RPS6KA2: variants seen among roughly 807,000 people sequenced by gnomAD.
RPS6KA2 encodes ribosomal protein S6 kinase A2, also known as ribosomal protein S6 kinase alpha-2.
In RPS6KA2, 42 loss-of-function variants were observed where a neutral mutation model predicts 91.8. The ratio of observed to expected loss-of-function variants is 0.46; its 90% CI spans 0.36 to 0.59. The LOEUF (loss-of-function observed/expected upper bound fraction) is 0.59. RPS6KA2 is among the 20% of genes least tolerant of loss of function. The pLI is 0.00. For missense variants in RPS6KA2, 798 were observed against 978.5 expected, an observed-to-expected ratio of 0.82 and a Z score of 2.46; for synonymous variants, 414 against 393.6, an observed-to-expected ratio of 1.05 and a Z score of -0.61.
At position 166,648,164 on chromosome 6, in the gene RPS6KA2, G is replaced by A. The variant is rs797017955; in HGVS notation, c.124-109380C>T. On this transcript the variant is annotated intron_variant, in intron 2 of 21. Coordinates refer to the RPS6KA2 transcript ENST00000503859. This position sits in a 1 kb window ranked among gnomAD's most constrained non-coding sequence, Gnocchi z 4.8. ...CACACGCACATGGTTACACACCCAT[G>A]CACACATGCTCACACACATGCACAC... Among the ~76,000 whole-genome samples the A allele has an allele frequency of 8.3e-4, 99 of 119,910 alleles. No individual in the cohort carries two copies. Among genetic ancestry groups the A allele is most frequent in the African/African-American group, 2.9e-3 (96 of 32,926 alleles). The allele number at this position is 119,910 out of a possible 152,430, so 78.7% of individuals were successfully genotyped here. A position where few individuals can be genotyped will look rare whatever the true frequency, so the allele number is the denominator to read the frequency against.
chr6:166,843,872 T>G (rs932257805), intron 2 of RPS6KA2, among the ~76,000 whole-genome samples: 1 of 151,646 alleles, frequency 6.6e-6, no homozygotes, highest in East Asian at 1.9e-4. Context: ...CTTTAACACC[T>G]CCAAAAGATC....
intron 15 of RPS6KA2, among the ~76,000 whole-genome samples, chr6:166,431,484 A>T (rs1482507692): frequency 6.6e-6 from 1 of 152,248 alleles, no homozygotes; most frequent in Non-Finnish European, 1.5e-5. Flanking sequence ...CAGAGAGGCT[A>T]GGCAGAGTCC....
chr6:166,749,867 C>T (rs1266107952), intron 2 of RPS6KA2, among the ~76,000 whole-genome samples: 4 of 150,504 alleles, frequency 2.7e-5, no homozygotes, highest in Admixed American at 2.0e-4. Context: ...CCTCCTCCTC[C>T]CAAAGCTTCC....
intron 16 of RPS6KA2, among the ~76,000 whole-genome samples, chr6:166,425,927 G>C (rs1778900381): frequency 6.6e-6 from 1 of 152,040 alleles, no homozygotes; most frequent in Admixed American, 6.6e-5. Flanking sequence ...CCCAGGAATT[G>C]AACTCAGCTC....
rs536935910 is a variant in RPS6KA2, at chr6:166,589,406, T to G, written c.99+37515A>C. On this transcript the variant is annotated intron_variant, in intron 1 of 20. Coordinates refer to ENST00000265678, the MANE Select transcript of RPS6KA2 (RefSeq NM_021135.6). The stretch of plus-strand genomic sequence containing the variant: ...TGTTCTAAATTATTGCCATTACATA[T>G]CCACACTGGAATTGAAAAATAACCC... Among the ~76,000 whole-genome samples, 5 of 152,296 alleles carry G rather than the reference T, an allele frequency of 3.3e-5. No homozygotes were observed. The South Asian group carries it at 1.0e-3, about 32-fold the overall frequency.
At chr6:166,511,309 A>G (rs955674850) in intron 3 of RPS6KA2, among the ~76,000 whole-genome samples, 27 of 152,194 alleles carry the variant, frequency 1.8e-4, no homozygotes, top group Admixed American at 1.3e-4. Flanking sequence ...TGAATCATTC[A>G]GGGCTAAAGA....
chr6:166,673,172 A>C (rs1788522175), intron 2 of RPS6KA2, among the ~76,000 whole-genome samples: 1 of 152,124 alleles, frequency 6.6e-6, no homozygotes, highest in South Asian at 2.1e-4. Context: ...CTGTGGATGA[A>C]GGGCACCTTC....
At chr6:166,623,157 A>G (rs1259013448) in intron 1 of RPS6KA2, among the ~76,000 whole-genome samples, 1 of 152,266 alleles carries the variant, frequency 6.6e-6, no homozygotes, top group Non-Finnish European at 1.5e-5. Context: ...CACCAAAGAG[A>G]ACCCTCTGGC....
At chr6:166,670,665 G>T (rs931672005) in intron 2 of RPS6KA2, among the ~76,000 whole-genome samples, 21 of 152,104 alleles carry the variant, frequency 1.4e-4, no homozygotes, top group African/African-American at 4.8e-4. Flanking sequence ...TAACATTCAA[G>T]AATATGACCC....
chr6:166,553,448 C>T (rs1036988022), intron 1 of RPS6KA2, among the ~76,000 whole-genome samples: 3 of 140,342 alleles, frequency 2.1e-5, no homozygotes, highest in Non-Finnish European at 4.7e-5. Flanking sequence ...TTTAGTCCCA[C>T]TTTTTTTTTT....
chr6:166,858,652 G>A (rs1780972756), intron 1 of RPS6KA2, among the ~76,000 whole-genome samples: 1 of 152,228 alleles, frequency 6.6e-6, no homozygotes, highest in Admixed American at 6.5e-5. Context: ...CAGCGGTGAA[G>A]GCATGTGTGA....
chr6:166,519,076 C>T (rs1782757377), intron 3 of RPS6KA2, among the ~76,000 whole-genome samples: 1 of 152,206 alleles, frequency 6.6e-6, no homozygotes, highest in South Asian at 2.1e-4. Context: ...ACAGTGAAAG[C>T]AAATGTTTCA....
chr6:166,680,803 A>G (rs1788778954), intron 2 of RPS6KA2, among the ~76,000 whole-genome samples: 1 of 152,212 alleles, frequency 6.6e-6, no homozygotes, highest in African/African-American at 2.4e-5. Context: ...CTGTGGCTTC[A>G]TTCTTGAAGT....
intron 1 of RPS6KA2, among the ~76,000 whole-genome samples, chr6:166,555,858 T>A (rs560273691): frequency 6.6e-6 from 1 of 152,080 alleles, no homozygotes; most frequent in South Asian, 2.1e-4. Flanking sequence ...AAAATATACT[T>A]TAGGCAGACT....
intron 2 of RPS6KA2, among the ~76,000 whole-genome samples, chr6:166,723,406 C>A (rs1157043929): frequency 6.6e-6 from 1 of 151,980 alleles, no homozygotes; most frequent in Non-Finnish European, 1.5e-5. Flanking sequence ...TTCCTTACCC[C>A]TGGGGGGTCC....
intron 2 of RPS6KA2, among the ~76,000 whole-genome samples, chr6:166,714,313 T>C (rs1482593020): frequency 2.0e-5 from 3 of 152,250 alleles, no homozygotes; most frequent in African/African-American, 7.2e-5. Context: ...GACTCAGAGC[T>C]GAGCCCTGGT....
At chr6:166,464,231 C>A (rs1449092246) in intron 11 of RPS6KA2, among the ~76,000 whole-genome samples, 1 of 152,156 alleles carries the variant, frequency 6.6e-6, no homozygotes, top group African/African-American at 2.4e-5. Flanking sequence ...CCAGGACACA[C>A]AACAGCCAAG....
At chr6:166,846,476 C>T (rs996071434) in intron 2 of RPS6KA2, among the ~76,000 whole-genome samples, 1 of 152,156 alleles carries the variant, frequency 6.6e-6, no homozygotes, top group Non-Finnish European at 1.5e-5. Context: ...TACTAGCTAA[C>T]TGAATCCAAC....
rs146139196 is a variant in RPS6KA2 at position 166,764,804 on chromosome 6, C to T, written c.123+93396G>A. On this transcript the variant is annotated intron_variant, in intron 2 of 21. Coordinates refer to the RPS6KA2 transcript ENST00000503859. ...ACACCTACAGCCACGCAAGCACCTG[C>T]GTAAACACGTGCTACAGTCACATGT... Among the ~76,000 whole-genome samples, 358 of 151,486 alleles carry T rather than the reference C, an allele frequency of 2.4e-3. 2 individuals are homozygous for T. Among genetic ancestry groups the T allele is most frequent in the African/African-American group, 8.3e-3 (344 of 41,416 alleles).
Sources: allele counts gnomAD v4.1 joint callset (sites outside exome capture counted in the v4.1 genomes callset), GRCh38; gene constraint gnomAD v4.1.1; non-coding constraint Gnocchi (gnomAD v3.1); transcripts MANE v1.5; gene names NCBI Gene and HGNC (gene_info 2026-07-23, HGNC 2026-07-21).